LINGO1: variants seen among roughly 807,000 people sequenced by gnomAD.
The protein encoded by LINGO1 is leucine-rich repeat and immunoglobulin-like domain-containing nogo receptor-interacting protein 1.
Under a neutral mutation model 37.3 loss-of-function variants are expected in LINGO1, and 11 were observed. That is an observed-to-expected ratio of 0.29 (90% CI 0.19 to 0.49). The LOEUF (loss-of-function observed/expected upper bound fraction) is 0.49, where lower values mean the gene tolerates loss of function less well. LINGO1 is among the 20% of genes least tolerant of loss of function. The pLI is 0.99. For missense variants in LINGO1, 585 were observed against 878.2 expected (o/e 0.67, Z 4.22); for synonymous variants, 387 against 403.0 (o/e 0.96, Z 0.48).
At chr15:77,698,802 G>T (rs1479407480), upstream of LINGO1, among the ~76,000 whole-genome samples, 3 of 152,208 alleles carry the variant, frequency 2.0e-5, no homozygotes, top group African/African-American at 7.2e-5. Context: ...GAAGGGTCGG[G>T]TGGGCACAGC....
At chr15:77,706,543 C>G (rs1437045131) in intron 2 of LINGO1, among the ~76,000 whole-genome samples, 1 of 152,186 alleles carries the variant, frequency 6.6e-6, no homozygotes, top group African/African-American at 2.4e-5. Context: ...GGTTCTCTTC[C>G]TGTTACCCCA....
At chr15:77,756,339 A>G (rs2076418560) in intron 1 of LINGO1, among the ~76,000 whole-genome samples, 1 of 152,218 alleles carries the variant, frequency 6.6e-6, no homozygotes, top group Non-Finnish European at 1.5e-5. Context: ...TTTGACACCC[A>G]CAGTCAAAAA....
At chr15:77,679,695 T>C (rs1229461272) in intron 2 of LINGO1, among the ~76,000 whole-genome samples, 2 of 152,168 alleles carry the variant, frequency 1.3e-5, no homozygotes, top group African/African-American at 4.8e-5. Context: ...CCTGACTAGG[T>C]CCTTGGCCAA....
At chr15:77,753,024 C>T (rs2076386614) in intron 1 of LINGO1, among the ~76,000 whole-genome samples, 2 of 152,256 alleles carry the variant, frequency 1.3e-5, no homozygotes. Context: ...GTACTTCTCA[C>T]AGACACCACA....
chr15:77,713,017 A>G (rs1244717047), intron 2 of LINGO1, among the ~76,000 whole-genome samples: 1 of 151,840 alleles, frequency 6.6e-6, no homozygotes, highest in African/African-American at 2.4e-5. Context: ...TTCCTTCATT[A>G]TGCTGGGGTT....
chr15:77,642,089 A>G (rs1328079970), intron 3 of LINGO1: 4 of 418,626 alleles, frequency 9.6e-6, no homozygotes, highest in Non-Finnish European at 9.7e-6. Flanking sequence ...GTAGGCCCTC[A>G]TAAATGGGGC....
At position 77,816,427 on chromosome 15, in the gene LINGO1, G is replaced by A. The variant is rs144684052; in HGVS notation, c.-458+3831C>T. Among the ~76,000 whole-genome samples, 745 of 152,358 alleles carry A rather than the reference G, an allele frequency of 4.9e-3. 4 individuals are homozygous for A. Among genetic ancestry groups the A allele is most frequent in the Non-Finnish European group, 8.2e-3 (561 of 68,036 alleles). ...TAGCCCTCAGCCCCCACAAAGCTAT[G>A]CCTGAGAGGTCAGGGGCAGCTTTTC... is the stretch of plus-strand genomic sequence containing the variant. On this transcript the variant is annotated intron_variant, in intron 1 of 5. Coordinates refer to the LINGO1 transcript ENST00000562933.
rs1491108012 is a variant in LINGO1, at chr15:77,794,400, GTA to G, written c.-343+1537_-343+1538del. 1.9e-4 allele frequency among the ~76,000 whole-genome samples: 9 copies of G among 46,930 alleles called. 1 individual carries two copies. The highest frequency in any genetic ancestry group is 6.9e-4 in the African/African-American group (8 of 11,560). 30.8% of individuals were successfully genotyped at this position (46,930 alleles called of 152,430 possible). Reference sequence around the variant, plus strand: ...TATATGTATATACATACATATATACGTATATATGTGTATATACATACGTATAT... The same window carrying G: ...TATATGTATATACATACATATATACGTATATGTGTATATACATACGTATAT... On this transcript the variant is annotated intron_variant, in intron 2 of 5. Coordinates refer to the LINGO1 transcript ENST00000562933.
chr15:77,643,985 A>T (rs921731362), intron 3 of LINGO1, among the ~76,000 whole-genome samples: 1 of 152,156 alleles, frequency 6.6e-6, no homozygotes, highest in African/African-American at 2.4e-5. Context: ...ACCTGCTCCA[A>T]AGAGTGGTGA....
intron 2 of LINGO1, among the ~76,000 whole-genome samples, chr15:77,715,454 G>A: frequency 6.6e-6 from 1 of 152,208 alleles, no homozygotes; most frequent in East Asian, 1.9e-4. Flanking sequence ...AGCAGAGCAG[G>A]GCATTTTAGG....
chr15:77,688,355 A>G (rs1434763699), intron 2 of LINGO1, among the ~76,000 whole-genome samples: 9 of 152,210 alleles, frequency 5.9e-5, no homozygotes, highest in Admixed American at 5.9e-4. Flanking sequence ...ACTGCATTAA[A>G]CTTCTCATTA....
chr15:77,794,153 T>C (rs533205597), intron 2 of LINGO1, among the ~76,000 whole-genome samples: 1 of 152,150 alleles, frequency 6.6e-6, no homozygotes, highest in South Asian at 2.1e-4. Flanking sequence ...GTCACCCCAG[T>C]TGCTGCACAG....
At position 77,781,854 on chromosome 15, in the gene LINGO1, C is replaced by T. The variant is rs151092710; in HGVS notation, c.-257+5015G>A. On this transcript the variant is annotated intron_variant, in intron 1 of 3. Transcript: ENST00000561686. The stretch of plus-strand genomic sequence containing the variant: ...CCGAAAGCCTCTCTCGCCCTCAGGG[C>T]CCCCGGCCAGAGCTGCTGCCTCCCA... Among the ~76,000 whole-genome samples, 89 of 152,288 alleles carry T rather than the reference C, an allele frequency of 5.8e-4. 1 individual carries two copies. The East Asian group carries it at 0.011, about 20-fold the overall frequency.
intron 3 of LINGO1, among the ~76,000 whole-genome samples, chr15:77,641,511 A>C (rs575052709): frequency 3.3e-5 from 5 of 152,320 alleles, no homozygotes; most frequent in African/African-American, 9.6e-5. Context: ...TTGAAGTTAT[A>C]AAGAAGAAAG....
At chr15:77,756,417 T>C (rs2076419103) in intron 1 of LINGO1, among the ~76,000 whole-genome samples, 1 of 151,158 alleles carries the variant, frequency 6.6e-6, no homozygotes, top group Non-Finnish European at 1.5e-5. Flanking sequence ...ACACACACAA[T>C]GACACACACT....
chr15:77,776,019 T>C (rs1279616298), intron 1 of LINGO1, among the ~76,000 whole-genome samples: 3 of 152,254 alleles, frequency 2.0e-5, no homozygotes, highest in African/African-American at 7.2e-5. Context: ...ACCGCCTCCA[T>C]GGACCCATAT....
intron 1 of LINGO1, among the ~76,000 whole-genome samples, chr15:77,778,675 C>T (rs2076685597): frequency 6.6e-6 from 1 of 152,200 alleles, no homozygotes; most frequent in Admixed American, 6.5e-5. Flanking sequence ...CAGAATCAAC[C>T]ACTTCTCACC....
chr15:77,748,678 C>CT (rs932430730), intron 1 of LINGO1, among the ~76,000 whole-genome samples: 20 of 151,458 alleles, frequency 1.3e-4, no homozygotes, highest in Non-Finnish European at 2.5e-4. Flanking sequence ...AGCTCAATTT[C>CT]TTTTTTTTTC....
rs1736755982 is a variant in LINGO1 at position 77,613,775 on chromosome 15, T to C, written c.*269A>G. ...AACTTTTTTATTGAATTATTGACTC[T>C]GCCGCGTGTCGGTTCGTCGGCTTTC... On this transcript the variant is annotated 3_prime_UTR_variant, in exon 2 of 2. Transcript: ENST00000355300. The C allele has an allele frequency of 2.2e-6, 1 of 460,488 alleles. No individual in the cohort carries two copies. The highest frequency in any genetic ancestry group is 1.9e-5 in the African/African-American group (1 of 52,254). 28.5% of individuals were successfully genotyped at this position (460,488 alleles called of 1,614,324 possible). A position where few individuals can be genotyped will look rare whatever the true frequency, so the allele number is the denominator to read the frequency against.
Sources: allele counts gnomAD v4.1 joint callset (sites outside exome capture counted in the v4.1 genomes callset), GRCh38; gene constraint gnomAD v4.1.1; transcripts MANE v1.5; gene names NCBI Gene and HGNC (gene_info 2026-07-23, HGNC 2026-07-21).